SBF2: variants seen among roughly 807,000 people sequenced by gnomAD.
The protein encoded by SBF2 is SET binding factor 2, also known as myotubularin-related protein 13.
In SBF2, 112 loss-of-function variants were observed where a neutral mutation model predicts 225.2. The observed-to-expected ratio is 0.50, with a 90% CI of 0.43 to 0.58. The LOEUF (loss-of-function observed/expected upper bound fraction) is 0.58, where lower values mean the gene tolerates loss of function less well. Ranked by LOEUF, SBF2 falls within the 20% of genes least tolerant of loss-of-function variation. SBF2 has a pLI of 0.00. For missense variants in SBF2, 1,996 were observed against 2,206.2 expected (o/e 0.90, Z 1.91); for synonymous variants, 763 against 773.3 (o/e 0.99, Z 0.22).
At chr11:10,138,200 G>C (rs928223026) in intron 2 of SBF2, among the ~76,000 whole-genome samples, 7 of 151,834 alleles carry the variant, frequency 4.6e-5, no homozygotes, top group African/African-American at 1.7e-4. Context: ...TTTTATATTG[G>C]GTGAGTTGCA....
chr11:10,173,729 C>A (rs539515552), intron 2 of SBF2, among the ~76,000 whole-genome samples: 37 of 151,368 alleles, frequency 2.4e-4, no homozygotes, highest in South Asian at 8.3e-4. Context: ...AACAAAAAGA[C>A]AGCAGGAACC....
chr11:9,799,548 G>T (rs75819848), intron 32 of SBF2, among the ~76,000 whole-genome samples: 1 of 152,210 alleles, frequency 6.6e-6, no homozygotes, highest in Non-Finnish European at 1.5e-5. Flanking sequence ...TAACAAGCAT[G>T]TAAACATTTC....
intron 16 of SBF2, among the ~76,000 whole-genome samples, chr11:9,934,776 CG>C (rs1864760856): frequency 6.6e-6 from 1 of 152,222 alleles, no homozygotes; most frequent in Admixed American, 6.5e-5. Context: ...TAAAAACTCT[CG>C]ATAAACAAGG....
intron 16 of SBF2, among the ~76,000 whole-genome samples, chr11:9,931,193 G>A (rs1254902938): frequency 2.0e-5 from 3 of 152,256 alleles, no homozygotes; most frequent in Admixed American, 6.5e-5. Flanking sequence ...TGAACAAAAC[G>A]CAGCAGACAG....
At chr11:10,003,337 G>A (rs1414382592) in intron 6 of SBF2, among the ~76,000 whole-genome samples, 3 of 151,340 alleles carry the variant, frequency 2.0e-5, no homozygotes, top group African/African-American at 7.3e-5. Context: ...AGATAAATGT[G>A]GTATCTTATT....
intron 2 of SBF2, among the ~76,000 whole-genome samples, chr11:10,133,442 C>T (rs1954179507): frequency 6.8e-6 from 1 of 147,400 alleles, no homozygotes; most frequent in South Asian, 2.1e-4. Context: ...GGTCCCGAGC[C>T]CTGCCCCGTG....
intron 2 of SBF2, among the ~76,000 whole-genome samples, chr11:10,153,934 G>A (rs994764265): frequency 1.3e-5 from 2 of 152,010 alleles, no homozygotes; most frequent in Non-Finnish European, 1.5e-5. Context: ...TTTCTCCACT[G>A]AATAATCTTT....
intron 2 of SBF2, among the ~76,000 whole-genome samples, chr11:10,096,890 A>C (rs555354696): frequency 8.9e-4 from 135 of 152,298 alleles, no homozygotes; most frequent in African/African-American, 3.1e-3. Flanking sequence ...AGGCAGCAAC[A>C]ATAGAAATTA....
intron 6 of SBF2, among the ~76,000 whole-genome samples, chr11:10,008,080 A>T (rs999222814): frequency 2.6e-5 from 4 of 152,286 alleles, no homozygotes; most frequent in Non-Finnish European, 5.9e-5. Flanking sequence ...CCGGGTGGCT[A>T]CCCTGTAGGA....
At chr11:10,110,038 T>C (rs1952760713) in intron 2 of SBF2, among the ~76,000 whole-genome samples, 2 of 152,250 alleles carry the variant, frequency 1.3e-5, no homozygotes, top group African/African-American at 4.8e-5. Context: ...GACACTGAAT[T>C]TGGATCATCT....
intron 13 of SBF2, among the ~76,000 whole-genome samples, chr11:9,971,908 T>C (rs1287237550): frequency 3.9e-5 from 6 of 152,166 alleles, no homozygotes; most frequent in Non-Finnish European, 7.3e-5. Flanking sequence ...ACAACTGTTA[T>C]TAGTGAAGGG....
chr11:10,207,967 T>G (rs929630056), intron 1 of SBF2, among the ~76,000 whole-genome samples: 2 of 152,094 alleles, frequency 1.3e-5, no homozygotes, highest in African/African-American at 4.8e-5. Flanking sequence ...TAATTATGAA[T>G]ACACAGAAAT....
intron 2 of SBF2, among the ~76,000 whole-genome samples, chr11:10,165,721 CCCTG>C (rs909816606): frequency 2.6e-5 from 4 of 152,130 alleles, no homozygotes; most frequent in African/African-American, 7.2e-5. Context: ...CCACATTCTG[CCCTG>C]CCTAAGTTCT....
chr11:9,842,806 A>G (rs1856256780), intron 24 of SBF2, 36 bp from the exon 25 acceptor site: 1 of 1,608,620 alleles, frequency 6.2e-7, no homozygotes, highest in Non-Finnish European at 8.5e-7. Context: ...TGTCAACTTA[A>G]TATAAAAGCA....
At chr11:9,957,368 A>T (rs1003124629) in intron 16 of SBF2, 6 of 152,052 alleles carry the variant, frequency 3.9e-5, no homozygotes, top group African/African-American at 1.5e-4. Flanking sequence ...TGTCTAGATT[A>T]TTTGCTTTGA....
chr11:9,818,594 A>G (rs1854579763), intron 28 of SBF2, among the ~76,000 whole-genome samples: 1 of 152,154 alleles, frequency 6.6e-6, no homozygotes, highest in Non-Finnish European at 1.5e-5. Context: ...CCTAGTATTA[A>G]AGTCATGTTT....
At chr11:10,216,993 A>G (rs1019179264) in intron 1 of SBF2, among the ~76,000 whole-genome samples, 2 of 152,222 alleles carry the variant, frequency 1.3e-5, no homozygotes, top group Non-Finnish European at 2.9e-5. Flanking sequence ...CATAAATAAT[A>G]CAGGAGCTAA....
At chr11:10,207,936 G>C (rs1957800466) in intron 1 of SBF2, among the ~76,000 whole-genome samples, 1 of 151,986 alleles carries the variant, frequency 6.6e-6, no homozygotes, top group Non-Finnish European at 1.5e-5. Context: ...TAAAACACCA[G>C]TACATTAAAG....
chr11:10,271,167 T>G (rs987494380), intron 1 of SBF2, among the ~76,000 whole-genome samples: 4 of 151,744 alleles, frequency 2.6e-5, no homozygotes, highest in Non-Finnish European at 4.4e-5. Context: ...GGAGTAGCAA[T>G]TGCAAAACCA....
Sources: allele counts gnomAD v4.1 joint callset (sites outside exome capture counted in the v4.1 genomes callset), GRCh38; gene constraint gnomAD v4.1.1; transcripts MANE v1.5; gene names NCBI Gene and HGNC (gene_info 2026-07-23, HGNC 2026-07-21).